The following SOX30 variants were observed in gnomAD, a reference collection of about 807,000 sequenced individuals.
The protein encoded by SOX30 is transcription factor SOX-30.
SOX30 carries 17 observed loss-of-function variants against 58.6 expected under a neutral mutation model. The ratio of observed to expected loss-of-function variants is 0.29; its 90% CI spans 0.20 to 0.44. The LOEUF is 0.44. SOX30 is among the 20% of genes least tolerant of loss of function. The pLI, the probability that SOX30 is intolerant of heterozygous loss-of-function variation, is 1.00. For missense variants in SOX30, 951 were observed against 965.8 expected (o/e 0.98, Z 0.20); for synonymous variants, 421 against 400.2 (o/e 1.05, Z -0.62).
chr5:157,633,128 G>T (rs866108460), intron 4 of SOX30, among the ~76,000 whole-genome samples: 5 of 152,276 alleles, frequency 3.3e-5, no homozygotes, highest in Middle Eastern at 3.4e-3. Flanking sequence ...TTTAGTTTCA[G>T]TACCTATCCC....
At chr5:157,630,888 AATT>A (rs1758775032) in intron 4 of SOX30, among the ~76,000 whole-genome samples, 2 of 137,790 alleles carry the variant, frequency 1.5e-5, no homozygotes, top group African/African-American at 2.7e-5. Context: ...CAATATATAT[AATT>A]TTATATATAT....
intron 2 of SOX30, among the ~76,000 whole-genome samples, chr5:157,666,352 G>A (rs567923153): frequency 6.6e-6 from 1 of 151,840 alleles, no homozygotes; most frequent in Non-Finnish European, 1.5e-5. Context: ...TAGAGATAGG[G>A]TCTGGCTATG....
chr5:157,626,266 T>C lies in SOX30; in HGVS notation c.*74A>G, dbSNP rs1366901597. 9 of 1,327,964 alleles carry C rather than the reference T, an allele frequency of 6.8e-6. No individual in the cohort carries two copies. Among genetic ancestry groups the C allele is most frequent in the Non-Finnish European group, 9.1e-6 (9 of 988,446 alleles). The allele number at this position is 1,327,964 out of a possible 1,614,324, so 82.3% of individuals were successfully genotyped here. On this transcript the variant is annotated 3_prime_UTR_variant, in exon 5 of 5. Coordinates refer to ENST00000265007, the MANE Select transcript of SOX30 (RefSeq NM_178424.2). ...ACTTTCAACAAAGAATTCTAGGCTT[T>C]TTTTTTTCTCATACCAACTGACCCA...
chr5:157,668,790 A>G (rs6880381), intron 1 of SOX30, among the ~76,000 whole-genome samples: 77,183 of 151,984 alleles, frequency 0.51, 22,899 homozygotes, highest in African/African-American at 0.84. Context: ...AGGTGGAAGA[A>G]ACCATATAGC....
intron 4 of SOX30, among the ~76,000 whole-genome samples, chr5:157,634,730 C>T (rs989566252): frequency 6.6e-6 from 1 of 152,118 alleles, no homozygotes; most frequent in Non-Finnish European, 1.5e-5. Context: ...TCACTGCAAC[C>T]TCTGCCTCCC....
chr5:157,651,809 T>G lies in SOX30; in HGVS notation c.270A>C (p.Glu90Asp). The part of the protein sequence containing the change: ...LLPQPQAQNE[E>D]AAASSAQARL... ...GCGCCTGCGCGGACGAGGCAGCGGCTTCCTCGTTCTGGGCCTGAGGCTGTG... is the reference window on the plus strand; with the variant it reads ...GCGCCTGCGCGGACGAGGCAGCGGCGTCCTCGTTCTGGGCCTGAGGCTGTG... Residue 90 changes from glutamate (E) to aspartate (D), a missense_variant, in exon 1 of 5, where the codon GAA (glutamate) becomes GAC (aspartate). Glu to Asp is a conservative substitution (Grantham distance 45, BLOSUM62 2). Around this residue, in one of 7 missense-constraint regions of SOX30, gnomAD observed 363 missense variants for 294.5 expected, o/e 1.23. Coordinates refer to ENST00000265007, the MANE Select transcript of SOX30 (RefSeq NM_178424.2). 6.3e-7 allele frequency: 1 copy of G among 1,583,996 alleles called. No individual in the cohort carries two copies. The highest frequency in any genetic ancestry group is 8.6e-7 in the Non-Finnish European group (1 of 1,169,064).
chr5:157,657,513 A>T (rs1200446329), intron 2 of SOX30, among the ~76,000 whole-genome samples: 5 of 152,212 alleles, frequency 3.3e-5, no homozygotes. Context: ...ACACTTTCAG[A>T]ATACTCATGG....
At chr5:157,661,735 G>C (rs1274236681) in intron 2 of SOX30, among the ~76,000 whole-genome samples, 1 of 152,140 alleles carries the variant, frequency 6.6e-6, no homozygotes, top group Non-Finnish European at 1.5e-5. Context: ...CTTGGTAATA[G>C]TGTATAATCC....
intron 2 of SOX30, among the ~76,000 whole-genome samples, chr5:157,661,492 A>G (rs1008382134): frequency 2.0e-5 from 3 of 152,196 alleles, no homozygotes; most frequent in African/African-American, 2.4e-5. Context: ...CAACCAATCA[A>G]CTCTGCTTTG....
chr5:157,669,414 A>G (rs900161430), intron 1 of SOX30, among the ~76,000 whole-genome samples: 18 of 151,916 alleles, frequency 1.2e-4, no homozygotes, highest in Non-Finnish European at 4.4e-5. Flanking sequence ...TAAACTCCTG[A>G]CCTCTAGTGA....
chr5:157,631,188 A>G (rs1290721865), intron 4 of SOX30, among the ~76,000 whole-genome samples: 7 of 150,534 alleles, frequency 4.7e-5, no homozygotes, highest in Non-Finnish European at 1.0e-4. Flanking sequence ...GGCTCAAGCA[A>G]TCTTCCTGCC....
At chr5:157,668,417 A>G (rs1759708779) in intron 1 of SOX30, among the ~76,000 whole-genome samples, 1 of 152,018 alleles carries the variant, frequency 6.6e-6, no homozygotes, top group East Asian at 1.9e-4. Context: ...GAGCAGGGGG[A>G]GGTAGGTAGC....
At chr5:157,653,185 C>T (rs2113852472), upstream of SOX30, among the ~76,000 whole-genome samples, 1 of 152,316 alleles carries the variant, frequency 6.6e-6, no homozygotes, top group East Asian at 1.9e-4. Context: ...CTTAATTCCT[C>T]CTGCACATTT....
intron 3 of SOX30, 56 bp downstream of exon 3, chr5:157,646,581 G>A (rs1756082580): frequency 7.6e-6 from 10 of 1,309,310 alleles, no homozygotes; most frequent in Admixed American, 2.2e-5. Flanking sequence ...CAAACTTGAG[G>A]TAAAATTTTC....
At chr5:157,650,296 G>C (rs953779041) in intron 1 of SOX30, among the ~76,000 whole-genome samples, 1 of 151,774 alleles carries the variant, frequency 6.6e-6, no homozygotes, top group Non-Finnish European at 1.5e-5. Flanking sequence ...CAACAGGGTG[G>C]AGTGGAGAGG....
At chr5:157,667,756 A>G (rs1581411278) in intron 2 of SOX30, 2 of 1,414,900 alleles carry the variant, frequency 1.4e-6, no homozygotes, top group Admixed American at 2.5e-5. Context: ...ATACATACAT[A>G]CATACATACA....
intron 1 of SOX30, among the ~76,000 whole-genome samples, chr5:157,650,857 A>G (rs1484066920): frequency 6.6e-6 from 1 of 152,222 alleles, no homozygotes; most frequent in Non-Finnish European, 1.5e-5. Flanking sequence ...ATTTTTGTGT[A>G]CAAAAATTAG....
chr5:157,635,623 C>T (rs1458608940), intron 4 of SOX30, among the ~76,000 whole-genome samples: 1 of 136,634 alleles, frequency 7.3e-6, no homozygotes, highest in Non-Finnish European at 1.6e-5. Context: ...GACTCTGTCT[C>T]AAAAAAAAAA....
At chr5:157,663,114 C>T (rs192814230) in intron 2 of SOX30, among the ~76,000 whole-genome samples, 60 of 152,272 alleles carry the variant, frequency 3.9e-4, no homozygotes, top group African/African-American at 1.4e-3. Context: ...AGGCCAGCAT[C>T]ATCCTGATAC....
Sources: allele counts gnomAD v4.1 joint callset (sites outside exome capture counted in the v4.1 genomes callset), GRCh38; gene constraint gnomAD v4.1.1; regional missense constraint gnomAD v4.1.1; transcripts MANE v1.5; gene names NCBI Gene and HGNC (gene_info 2026-07-23, HGNC 2026-07-21).